RRBP1: variants seen among roughly 807,000 people sequenced by gnomAD.
RRBP1 encodes the protein ribosome-binding protein 1.
RRBP1 carries 94 observed loss-of-function variants against 165.2 expected under a neutral mutation model. The observed-to-expected ratio is 0.57, with a 90% CI of 0.48 to 0.68. The LOEUF (loss-of-function observed/expected upper bound fraction) is 0.68. Ranked by LOEUF, RRBP1 falls within the 30% of genes least tolerant of loss-of-function variation. The pLI, the probability that RRBP1 is intolerant of heterozygous loss-of-function variation, is 0.00. For missense variants in RRBP1, 1,676 were observed against 1,763.0 expected, an observed-to-expected ratio of 0.95 and a Z score of 0.88; for synonymous variants, 680 against 714.5, an observed-to-expected ratio of 0.95 and a Z score of 0.77.
intron 9 of RRBP1, 118 bp from the exon 10 acceptor site, chr20:17,627,800 C>G (rs2036059103): frequency 1.0e-6 from 1 of 955,656 alleles, no homozygotes; most frequent in Non-Finnish European, 1.5e-6. Context: ...CCTCCTGCCT[C>G]CTCTGTGTGT....
At chr20:17,631,314 CTTT>C (rs2036147491) in intron 8 of RRBP1, among the ~76,000 whole-genome samples, 1 of 152,206 alleles carries the variant, frequency 6.6e-6, no homozygotes, top group Non-Finnish European at 1.5e-5. Flanking sequence ...GCTGCTGCTG[CTTT>C]TTTTCTTTAA....
chr20:17,660,292 G>C lies in RRBP1; in HGVS notation c.216C>G (p.Thr72=). 6.2e-7 allele frequency: 1 copy of C among 1,606,670 alleles called. No homozygotes were observed. Among genetic ancestry groups the C allele is most frequent in the Non-Finnish European group, 8.5e-7 (1 of 1,175,780 alleles). ...KEKTVEKKGK[T]KKKEEKPNGK... The stretch of plus-strand genomic sequence containing the variant: ...CATTAGGTTTCTCTTCCTTTTTCTT[G>C]GTCTTTCCTTTCTTCTCCACTGTTT... Residue 72 remains threonine, a synonymous_variant, in exon 3 of 25, where the codon ACC becomes ACG. Coordinates refer to ENST00000377813, the MANE Select transcript of RRBP1 (RefSeq NM_001365613.2).
At chr20:17,669,884 AG>A (rs2036943912) in intron 2 of RRBP1, among the ~76,000 whole-genome samples, 1 of 152,188 alleles carries the variant, frequency 6.6e-6, no homozygotes, top group Non-Finnish European at 1.5e-5. Context: ...TATGAATCAC[AG>A]TTTTGTTTCT....
In RRBP1 at chr20:17,636,576, C is replaced by T; in HGVS notation, c.2337+1G>A. ...ATGCCCCCGCCAGCCACTACACCCA[C>T]CTTGCCCTGCAGCTGCTGCACCTCC... is the stretch of plus-strand genomic sequence containing the variant. On this transcript the variant is annotated splice_donor_variant, in intron 6 of 24. Coordinates refer to ENST00000377813, the MANE Select transcript of RRBP1 (RefSeq NM_001365613.2). LOFTEE classifies it high-confidence loss of function. The T allele has an allele frequency of 6.2e-7, 1 of 1,611,140 alleles. No homozygotes were observed. Among genetic ancestry groups the T allele is most frequent in the Non-Finnish European group, 8.5e-7 (1 of 1,179,920 alleles).
Position 17,629,812 on chromosome 20 carries a change from G to C in RRBP1, c.2749+11C>G, listed in dbSNP as rs759943789. 1 of 1,592,954 alleles carries C rather than the reference G, an allele frequency of 6.3e-7. No individual in the cohort carries two copies. Among genetic ancestry groups the C allele is most frequent in the African/African-American group, 1.4e-5 (1 of 73,814 alleles). On this transcript the variant is annotated intron_variant, in intron 9 of 24. Transcript: ENST00000377813. Reference sequence around the variant, plus strand: ...GCACTGAACCCCCGGCCCCACTGCCGCCGCCCTTACCGGCCATCTGCTGCT... The same window carrying C: ...GCACTGAACCCCCGGCCCCACTGCCCCCGCCCTTACCGGCCATCTGCTGCT...
chr20:17,636,816 G>A, intron 5 of RRBP1, 87 bp from the exon 6 acceptor site: 3 of 1,531,778 alleles, frequency 2.0e-6, no homozygotes, highest in Middle Eastern at 1.9e-4. Flanking sequence ...ACCCGAGCTG[G>A]GAGGCTGGAG....
At position 17,658,642 on chromosome 20, in the gene RRBP1, C is replaced by A. The variant is rs752668197; in HGVS notation, c.1866G>T (p.Glu622Asp). 5.0e-6 allele frequency: 8 copies of A among 1,612,238 alleles called. No individual in the cohort carries two copies. Among genetic ancestry groups the A allele is most frequent in the Non-Finnish European group, 6.8e-6 (8 of 1,179,224 alleles). The change falls in exon 3 of 25, where the codon GAG becomes GAT. Residue 622 changes from glutamate (E) to aspartate (D), a missense_variant. By Grantham distance (45) the Glu-to-Asp change is conservative. Transcript: ENST00000377813. ...VAQSPEAPKQ[E>D]APAKKKSGSK... The stretch of plus-strand genomic sequence containing the variant: ...AACCAGACTTCTTCTTGGCAGGAGC[C>A]TCTTGCTTTGGTGCCTCTGGGCTCT...
chr20:17,615,842 CG>C, intron 22 of RRBP1, 83 bp downstream of exon 22: 1 of 1,204,980 alleles, frequency 8.3e-7, no homozygotes, highest in African/African-American at 1.5e-5. Flanking sequence ...CACAGCCGAG[CG>C]GGGCAGGGCT....
intron 2 of RRBP1, among the ~76,000 whole-genome samples, chr20:17,677,179 G>A (rs990862031): frequency 6.6e-6 from 1 of 152,288 alleles, no homozygotes; most frequent in East Asian, 1.9e-4. Flanking sequence ...CAGGGCACCA[G>A]TTTGGAATTC....
At chr20:17,614,580 C>T (rs1471983898) in intron 24 of RRBP1, among the ~76,000 whole-genome samples, 157 bp downstream of exon 24, 1 of 152,144 alleles carries the variant, frequency 6.6e-6, no homozygotes, top group Non-Finnish European at 1.5e-5. Context: ...AGTCTCTGTC[C>T]CCACTACCTC....
chr20:17,643,101 A>G lies in RRBP1; in HGVS notation c.1939T>C (p.Tyr647His), dbSNP rs2036396943. The G allele has an allele frequency of 6.2e-7, 1 of 1,614,028 alleles. No individual in the cohort carries two copies. Among genetic ancestry groups the G allele is most frequent in the African/African-American group, 1.3e-5 (1 of 75,064 alleles). The change falls in exon 4 of 25, where the codon TAC (tyrosine) becomes CAC (histidine). Residue 647 changes from tyrosine to histidine, a missense_variant. Transcript: ENST00000377813. The surrounding 1 kb of genome is among the most constrained non-coding windows in gnomAD (Gnocchi z 4.3). ...PGPPDADGPLYLPYKTLVSTV... is the reference protein window; with the variant it reads ...PGPPDADGPLHLPYKTLVSTV... ...GAGACCAGCGTCTTGTAGGGGAGGT[A>G]GAGAGGGCCGTCGGCATCTGGGGGC...
intron 2 of RRBP1, among the ~76,000 whole-genome samples, chr20:17,661,348 C>A (rs1187859733): frequency 1.3e-5 from 2 of 152,196 alleles, no homozygotes; most frequent in Non-Finnish European, 2.9e-5. Flanking sequence ...CAGGAAGAAT[C>A]AGTCTTGGGA....
chr20:17,657,181 G>A (rs2036659707), intron 3 of RRBP1, among the ~76,000 whole-genome samples: 1 of 152,226 alleles, frequency 6.6e-6, no homozygotes, highest in Non-Finnish European at 1.5e-5. Context: ...AGGGCAGTGC[G>A]TCGCCTGCCA....
chr20:17,649,297 C>T (rs945837492), intron 3 of RRBP1, among the ~76,000 whole-genome samples: 6 of 152,182 alleles, frequency 3.9e-5, no homozygotes, highest in Non-Finnish European at 1.5e-5. Context: ...GGGCACCTGC[C>T]GGGCAGGGCG....
At chr20:17,677,788 A>T (rs2037110186) in intron 2 of RRBP1, among the ~76,000 whole-genome samples, 1 of 152,190 alleles carries the variant, frequency 6.6e-6, no homozygotes, top group African/African-American at 2.4e-5. Flanking sequence ...GCAGTAAACC[A>T]AGATCACGCC....
chr20:17,620,520 C>G (rs1377213011), intron 17 of RRBP1, 150 bp from the exon 18 acceptor site: 1 of 842,444 alleles, frequency 1.2e-6, no homozygotes, highest in Non-Finnish European at 2.0e-6. Flanking sequence ...CTGGCGCCAT[C>G]TGGCAGTGTC....
intron 24 of RRBP1, among the ~76,000 whole-genome samples, chr20:17,614,432 G>A (rs1391104742): frequency 1.3e-5 from 2 of 152,178 alleles, no homozygotes; most frequent in Non-Finnish European, 2.9e-5. Flanking sequence ...CAGGGCAGGG[G>A]CTGGAGCACT....
chr20:17,625,438 C>T lies in RRBP1; in HGVS notation c.3054+74G>A, dbSNP rs556108775. The T allele has an allele frequency of 2.3e-5, 31 of 1,340,574 alleles. No individual in the cohort carries two copies. In the African/African-American group the frequency reaches 3.3e-4, roughly 14 times the overall value. The allele number at this position is 1,340,574 out of a possible 1,614,324, so 83.0% of individuals were successfully genotyped here. A position where few individuals can be genotyped will look rare whatever the true frequency, so the allele number is the denominator to read the frequency against. On this transcript the variant is annotated intron_variant, in intron 12 of 24. Coordinates refer to ENST00000377813, the MANE Select transcript of RRBP1 (RefSeq NM_001365613.2). ...TCCCCCGAGTCCAGGGCGGGTGCCA[C>T]ATAGCAGAACCTTTCCCGGCCCCAC...
At chr20:17,654,452 G>A (rs534491091) in intron 3 of RRBP1, among the ~76,000 whole-genome samples, 1 of 152,334 alleles carries the variant, frequency 6.6e-6, no homozygotes, top group South Asian at 2.1e-4. Context: ...TACTGATTCT[G>A]TGGAAAAGAA....
Sources: allele counts gnomAD v4.1 joint callset (sites outside exome capture counted in the v4.1 genomes callset), GRCh38; gene constraint gnomAD v4.1.1; non-coding constraint Gnocchi (gnomAD v3.1); transcripts MANE v1.5; gene names NCBI Gene and HGNC (gene_info 2026-07-23, HGNC 2026-07-21).